CPNE4: variants seen among roughly 807,000 people sequenced by gnomAD.
CPNE4 encodes the protein copine-4.
CPNE4 carries 25 observed loss-of-function variants against 67.9 expected under a neutral mutation model. The observed-to-expected ratio is 0.37, with a 90% CI of 0.27 to 0.51. The LOEUF (loss-of-function observed/expected upper bound fraction) is 0.51, where lower values mean the gene tolerates loss of function less well. Among genes scored for constraint, CPNE4 ranks in the 20% least tolerant of loss-of-function variants. CPNE4 has a pLI of 0.93. For synonymous variants in CPNE4, 242 were observed against 244.9 expected, an observed-to-expected ratio of 0.99 and a Z score of 0.11; for missense variants, 464 against 690.8, an observed-to-expected ratio of 0.67 and a Z score of 3.68.
intron 8 of CPNE4, among the ~76,000 whole-genome samples, chr3:131,584,231 T>C (rs956922297): frequency 6.6e-6 from 1 of 152,120 alleles, no homozygotes; most frequent in Non-Finnish European, 1.5e-5. Flanking sequence ...GGTGTACTCA[T>C]CCATTCTCTT....
chr3:131,993,472 C>CAAAAAAAGAA lies in CPNE4; in HGVS notation c.-2+41094_-2+41095insTTCTTTTTTT, dbSNP rs763312547. Among the ~76,000 whole-genome samples, 23 of 60,462 alleles carry CAAAAAAAGAA rather than the reference C, an allele frequency of 3.8e-4. 1 individual carries two copies. The highest frequency in any genetic ancestry group is 1.3e-3 in the African/African-American group (23 of 18,308). The allele number at this position is 60,462 out of a possible 152,430, so 39.7% of individuals were successfully genotyped here. On this transcript the variant is annotated intron_variant, in intron 1 of 15. Transcript: ENST00000429747. The stretch of plus-strand genomic sequence containing the variant: ...ACCCTGATTTCGTGTGCAGGAGTGG[C>CAAAAAAAGAA]AAAAAAAAAAAAAAAAAGCATAGCT...
intron 2 of CPNE4, among the ~76,000 whole-genome samples, chr3:131,883,776 G>A (rs2087772921): frequency 6.6e-6 from 1 of 152,134 alleles, no homozygotes; most frequent in Non-Finnish European, 1.5e-5. Flanking sequence ...GCACAATACA[G>A]TATTGTTAAC....
rs2079327177 is a variant in CPNE4, at chr3:131,634,616, C to T, written c.681+35059G>A. On this transcript the variant is annotated intron_variant, in intron 7 of 15. Coordinates refer to ENST00000429747, the MANE Select transcript of CPNE4 (RefSeq NM_130808.3). The stretch of plus-strand genomic sequence containing the variant: ...TAGATTGGGTAAATATAATTACTTC[C>T]ACCTTGAACCTAACCAGACCTTCAA... Among the ~76,000 whole-genome samples the T allele has an allele frequency of 1.3e-5, 2 of 152,098 alleles. 1 individual carries two copies. Among genetic ancestry groups the T allele is most frequent in the South Asian group, 4.1e-4 (2 of 4,820 alleles).
chr3:131,594,184 G>C (rs1938706815), intron 7 of CPNE4, among the ~76,000 whole-genome samples: 1 of 152,218 alleles, frequency 6.6e-6, no homozygotes, highest in East Asian at 1.9e-4. Context: ...TCTATACCTA[G>C]TTTGTTGAGT....
chr3:131,787,992 T>C (rs535576638), intron 2 of CPNE4, among the ~76,000 whole-genome samples: 126 of 152,280 alleles, frequency 8.3e-4, no homozygotes, highest in African/African-American at 2.9e-3. Flanking sequence ...ACTTGTATCA[T>C]ACATGCTTCA....
intron 2 of CPNE4, among the ~76,000 whole-genome samples, chr3:131,854,394 G>T (rs545526855): frequency 6.6e-6 from 1 of 151,832 alleles, no homozygotes; most frequent in Non-Finnish European, 1.5e-5. Flanking sequence ...GGCATGAAAA[G>T]ATTTACTTGG....
chr3:131,562,123 T>A (rs1467691615), intron 11 of CPNE4, among the ~76,000 whole-genome samples: 2 of 152,080 alleles, frequency 1.3e-5, no homozygotes, highest in Non-Finnish European at 2.9e-5. Flanking sequence ...TCTTAAGGTT[T>A]CATATCTTAT....
At chr3:131,553,936 G>A (rs576650825) in intron 12 of CPNE4, among the ~76,000 whole-genome samples, 7 of 152,204 alleles carry the variant, frequency 4.6e-5, no homozygotes, top group Admixed American at 4.6e-4. Context: ...GAATAACCAG[G>A]GGATTTTGCT....
chr3:131,600,497 G>T (rs1268518211), intron 7 of CPNE4, among the ~76,000 whole-genome samples: 1 of 152,146 alleles, frequency 6.6e-6, no homozygotes, highest in African/African-American at 2.4e-5. Flanking sequence ...TAAAATGCAG[G>T]TCTTTCCACC....
chr3:131,758,839 G>A (rs1466708949), intron 2 of CPNE4, among the ~76,000 whole-genome samples: 1 of 152,020 alleles, frequency 6.6e-6, no homozygotes, highest in African/African-American at 2.4e-5. Flanking sequence ...GGCTCATCTG[G>A]GGTTTCCGCT....
At chr3:131,874,331 G>A (rs1032995627) in intron 2 of CPNE4, among the ~76,000 whole-genome samples, 1 of 151,962 alleles carries the variant, frequency 6.6e-6, no homozygotes, top group Non-Finnish European at 1.5e-5. Flanking sequence ...CTTATGATTC[G>A]CCCGCCTCGG....
At chr3:131,801,355 CAT>C (rs756282116) in intron 2 of CPNE4, among the ~76,000 whole-genome samples, 15 of 89,776 alleles carry the variant, frequency 1.7e-4, no homozygotes, top group Admixed American at 5.4e-4. Context: ...ATATATGTAC[CAT>C]ATATATATAT....
chr3:131,958,538 G>A (rs2072050138), intron 1 of CPNE4, among the ~76,000 whole-genome samples: 2 of 151,318 alleles, frequency 1.3e-5, no homozygotes, highest in African/African-American at 4.9e-5. Flanking sequence ...TCAGAGACCT[G>A]GAGTCAAATT....
chr3:131,554,841 G>A (rs1936376505), intron 12 of CPNE4, among the ~76,000 whole-genome samples: 1 of 152,000 alleles, frequency 6.6e-6, no homozygotes, highest in African/African-American at 2.4e-5. Context: ...CCACCTAGTG[G>A]GCACGAGTTC....
In CPNE4 at chr3:131,824,552, G is replaced by A. The variant is rs186568095; in HGVS notation, c.180+80712C>T. On this transcript the variant is annotated intron_variant, in intron 2 of 15. Coordinates refer to ENST00000429747, the MANE Select transcript of CPNE4 (RefSeq NM_130808.3). ...ACTGCAGAGGTTAAGACCAGTCGGCGGTCTATTGGTCTTTTAATGTTTCTG... is the reference window on the plus strand; with the variant it reads ...ACTGCAGAGGTTAAGACCAGTCGGCAGTCTATTGGTCTTTTAATGTTTCTG... Among the ~76,000 whole-genome samples the A allele has an allele frequency of 5.5e-3, 831 of 151,980 alleles. 5 individuals are homozygous for A. The highest frequency in any genetic ancestry group is 9.0e-3 in the Non-Finnish European group (612 of 67,958).
At position 131,981,340 on chromosome 3, in the gene CPNE4, C is replaced by G. The variant is rs1406090095; in HGVS notation, c.-2+53227G>C. ...GGGTGGGGCTAGGCATGTTTGAGCT[C>G]AGACTCTCCTTGGGCAGGTCTTCCT... On this transcript the variant is annotated intron_variant, in intron 1 of 15. Coordinates refer to ENST00000429747, the MANE Select transcript of CPNE4 (RefSeq NM_130808.3). Among the ~76,000 whole-genome samples, 6 of 152,142 alleles carry G rather than the reference C, an allele frequency of 3.9e-5. No individual in the cohort carries two copies. The South Asian group carries it at 1.2e-3, about 32-fold the overall frequency.
chr3:131,886,111 C>T (rs2087878301), intron 2 of CPNE4, among the ~76,000 whole-genome samples: 1 of 152,198 alleles, frequency 6.6e-6, no homozygotes, highest in Admixed American at 6.5e-5. Context: ...AGCCTGAAGG[C>T]CTAGGAGGAA....
At chr3:131,578,782 C>G (rs1469630945) in intron 9 of CPNE4, among the ~76,000 whole-genome samples, 1 of 152,144 alleles carries the variant, frequency 6.6e-6, no homozygotes, top group African/African-American at 2.4e-5. Context: ...AAAGCCCTAA[C>G]TCACTTCAAT....
At position 131,603,030 on chromosome 3, in the gene CPNE4, C is replaced by T. The variant is rs529043633; in HGVS notation, c.682-15448G>A. Among the ~76,000 whole-genome samples the T allele has an allele frequency of 4.7e-5, 7 of 148,162 alleles. No homozygotes were observed. The South Asian group carries it at 1.5e-3, about 32-fold the overall frequency. ...AGTTCTGAAATTATAAGTATCTCTC[C>T]TTTACAATTTTTTTGGGTTTAGGAC... On this transcript the variant is annotated intron_variant, in intron 7 of 15. Coordinates refer to ENST00000429747, the MANE Select transcript of CPNE4 (RefSeq NM_130808.3).
Sources: allele counts gnomAD v4.1 joint callset (sites outside exome capture counted in the v4.1 genomes callset), GRCh38; gene constraint gnomAD v4.1.1; transcripts MANE v1.5; gene names NCBI Gene and HGNC (gene_info 2026-07-23, HGNC 2026-07-21).